Variants in TAFA2 observed in about 807,000 individuals in gnomAD.
TAFA2 encodes the protein TAFA chemokine like family member 2, also known as chemokine-like protein TAFA-2.
In TAFA2, 7 loss-of-function variants were observed where a neutral mutation model predicts 18.8. That is an observed-to-expected ratio of 0.37 (90% CI 0.21 to 0.70). TAFA2 has a LOEUF of 0.70. TAFA2 is among the 30% of genes least tolerant of loss of function. The probability of loss-of-function intolerance (pLI) is 0.53; values close to 1 mark genes in which losing one functional copy is unlikely to be tolerated. For missense variants in TAFA2, 122 were observed against 158.1 expected (o/e 0.77, Z 1.23); for synonymous variants, 60 against 54.2 (o/e 1.11, Z -0.47).
intron 1 of TAFA2, among the ~76,000 whole-genome samples, chr12:62,034,626 G>A (rs901395624): frequency 6.6e-6 from 1 of 152,088 alleles, no homozygotes; most frequent in Non-Finnish European, 1.5e-5. Flanking sequence ...CAAGCAGGAT[G>A]TTTGGATCAT....
At chr12:62,160,047 T>C (rs947205976) in intron 1 of TAFA2, among the ~76,000 whole-genome samples, 1 of 152,182 alleles carries the variant, frequency 6.6e-6, no homozygotes, top group African/African-American at 2.4e-5. Flanking sequence ...AAATAAGTAA[T>C]GAACATCATC....
chr12:62,181,989 A>ATC (rs2062554632), intron 1 of TAFA2, among the ~76,000 whole-genome samples: 3 of 111,652 alleles, frequency 2.7e-5, no homozygotes, highest in African/African-American at 1.1e-4. Flanking sequence ...TCTCAAGTCC[A>ATC]TCCCCCCCCC....
chr12:61,822,627 T>C (rs1872367294), intron 2 of TAFA2, among the ~76,000 whole-genome samples: 1 of 152,164 alleles, frequency 6.6e-6, no homozygotes, highest in African/African-American at 2.4e-5. Flanking sequence ...GGAATTATTT[T>C]TTTCCCATGG....
intron 1 of TAFA2, among the ~76,000 whole-genome samples, chr12:61,952,054 A>C (rs960337831): frequency 3.9e-5 from 6 of 152,120 alleles, no homozygotes; most frequent in Non-Finnish European, 7.4e-5. Context: ...ATTACCAAAG[A>C]AAATAATTCT....
At chr12:62,066,754 GA>G (rs1882500044) in intron 1 of TAFA2, among the ~76,000 whole-genome samples, 1 of 151,906 alleles carries the variant, frequency 6.6e-6, no homozygotes, top group Non-Finnish European at 1.5e-5. Context: ...TGGCTATGTT[GA>G]ATAGTGCTGT....
At chr12:62,026,858 G>A (rs1405212705) in intron 1 of TAFA2, among the ~76,000 whole-genome samples, 1 of 152,108 alleles carries the variant, frequency 6.6e-6, no homozygotes. Context: ...CACTTATGCG[G>A]CAATATTAAA....
chr12:61,935,135 C>T (rs1432126023), intron 1 of TAFA2, among the ~76,000 whole-genome samples: 1 of 152,112 alleles, frequency 6.6e-6, no homozygotes, highest in Non-Finnish European at 1.5e-5. Flanking sequence ...ACTAATATAT[C>T]CTTACACTAA....
At chr12:61,834,221 T>C (rs531331672) in intron 2 of TAFA2, among the ~76,000 whole-genome samples, 1 of 152,108 alleles carries the variant, frequency 6.6e-6, no homozygotes, top group African/African-American at 2.4e-5. Flanking sequence ...ACCGTTTTGC[T>C]CTTGGGCCCA....
intron 1 of TAFA2, among the ~76,000 whole-genome samples, chr12:61,902,150 C>T (rs1399474000): frequency 3.4e-5 from 5 of 149,224 alleles, no homozygotes; most frequent in South Asian, 2.1e-4. Flanking sequence ...AGGAATCCAG[C>T]CTCTTGGTAA....
At chr12:62,069,675 A>G (rs1882578125) in intron 1 of TAFA2, among the ~76,000 whole-genome samples, 1 of 152,176 alleles carries the variant, frequency 6.6e-6, no homozygotes, top group Admixed American at 6.5e-5. Flanking sequence ...TTTATACTTG[A>G]AAAAAGAAAA....
chr12:62,199,766 T>C (rs2062663674), intron 1 of TAFA2, among the ~76,000 whole-genome samples: 2 of 152,202 alleles, frequency 1.3e-5, no homozygotes, highest in Non-Finnish European at 2.9e-5. Context: ...TTTGGGTATA[T>C]ACCCAGTAAT....
chr12:62,005,378 C>A (rs925258729), intron 1 of TAFA2, among the ~76,000 whole-genome samples: 8 of 152,032 alleles, frequency 5.3e-5, no homozygotes, highest in Non-Finnish European at 1.0e-4. Context: ...TTTAGCCTTG[C>A]TTCTTCCTTC....
intron 2 of TAFA2, among the ~76,000 whole-genome samples, chr12:61,818,123 C>G (rs1337372783): frequency 2.6e-5 from 4 of 152,166 alleles, no homozygotes; most frequent in African/African-American, 4.8e-5. Flanking sequence ...TTCAGCTGAT[C>G]GACTTGGATC....
At chr12:62,175,524 T>C (rs1052735323) in intron 1 of TAFA2, among the ~76,000 whole-genome samples, 1 of 152,214 alleles carries the variant, frequency 6.6e-6, no homozygotes, top group African/African-American at 2.4e-5. Flanking sequence ...CATTTCTCTT[T>C]TTTTTGAAGC....
intron 1 of TAFA2, among the ~76,000 whole-genome samples, chr12:61,994,326 C>G (rs1222650076): frequency 6.6e-6 from 1 of 152,138 alleles, no homozygotes; most frequent in East Asian, 1.9e-4. Context: ...GAGAAAATAT[C>G]ACTATCTTAT....
At chr12:62,254,229 C>A (rs1230632135) in intron 1 of TAFA2, among the ~76,000 whole-genome samples, 1 of 152,100 alleles carries the variant, frequency 6.6e-6, no homozygotes, top group Non-Finnish European at 1.5e-5. Context: ...TTTTATAAAT[C>A]ATTACTACTA....
intron 1 of TAFA2, among the ~76,000 whole-genome samples, chr12:62,001,242 TC>T (rs1414306817): frequency 6.6e-6 from 1 of 152,080 alleles, no homozygotes; most frequent in African/African-American, 2.4e-5. Context: ...ATAGCAGCAG[TC>T]CCCAACCTTT....
At chr12:61,880,330 A>G (rs1875066947) in intron 1 of TAFA2, 1 of 487,172 alleles carries the variant, frequency 2.1e-6, no homozygotes, top group Non-Finnish European at 4.1e-6. Context: ...CCACCATCAC[A>G]GATGCCGAGA....
chr12:62,127,040 A>G (rs1870489739), intron 1 of TAFA2, among the ~76,000 whole-genome samples: 1 of 152,104 alleles, frequency 6.6e-6, no homozygotes, highest in African/African-American at 2.4e-5. Context: ...CATTTGGATG[A>G]ACCCAAACAC....
Sources: allele counts gnomAD v4.1 joint callset (sites outside exome capture counted in the v4.1 genomes callset), GRCh38; gene constraint gnomAD v4.1.1; transcripts MANE v1.5; gene names NCBI Gene and HGNC (gene_info 2026-07-23, HGNC 2026-07-21).